The following FGF12 variants were observed in gnomAD, a reference collection of about 807,000 sequenced individuals.
The protein encoded by FGF12 is fibroblast growth factor 12.
FGF12 carries 14 observed loss-of-function variants against 23.6 expected under a neutral mutation model. The observed-to-expected ratio is 0.59, with a 90% CI of 0.39 to 0.93. The LOEUF is 0.93. Ranked by LOEUF, FGF12 falls within the 40% of genes least tolerant of loss-of-function variation. FGF12 has a pLI of 0.00. For synonymous variants in FGF12, 62 were observed against 77.3 expected (o/e 0.80, Z 1.04); for missense variants, 175 against 217.8 (o/e 0.80, Z 1.24).
At chr3:192,527,542 G>T (rs1386576556) in intron 2 of FGF12, among the ~76,000 whole-genome samples, 10 of 152,166 alleles carry the variant, frequency 6.6e-5, no homozygotes, top group Admixed American at 6.5e-4. Flanking sequence ...CACATTGTAA[G>T]CATTCAATAT....
intron 4 of FGF12, chr3:192,267,106 T>A (rs2108623899): frequency 6.6e-6 from 1 of 152,280 alleles, no homozygotes; most frequent in South Asian, 2.1e-4. Context: ...TGACAACAGA[T>A]TTCCTGACAA....
At chr3:192,593,921 G>T (rs74965014) in intron 2 of FGF12, among the ~76,000 whole-genome samples, 2 of 151,796 alleles carry the variant, frequency 1.3e-5, no homozygotes, top group Non-Finnish European at 2.9e-5. Context: ...ATTGTAATAA[G>T]GATTTAAATG....
intron 3 of FGF12, among the ~76,000 whole-genome samples, chr3:192,344,751 T>A (rs1188934800): frequency 6.6e-6 from 1 of 152,214 alleles, no homozygotes; most frequent in Non-Finnish European, 1.5e-5. Context: ...CATTGACTTT[T>A]AATCCTGATA....
At chr3:192,351,349 T>A (rs2108722748) in intron 3 of FGF12, among the ~76,000 whole-genome samples, 1 of 152,316 alleles carries the variant, frequency 6.6e-6, no homozygotes, top group Admixed American at 6.5e-5. Context: ...TTCACTCAGC[T>A]ATTTAGAGAA....
Position 192,308,715 on chromosome 3 carries a change from T to A in FGF12, c.228+26646A>T, listed in dbSNP as rs189932691. On this transcript the variant is annotated intron_variant, in intron 4 of 5. Transcript: ENST00000445105. ...AAAGAAATTAATAAACAAATAAATT[T>A]AAAAAAATAAAAGTCCAAACCAAAT... 4.7e-4 allele frequency among the ~76,000 whole-genome samples: 71 copies of A among 151,824 alleles called. 1 individual carries two copies. The highest frequency in any genetic ancestry group is 8.7e-4 in the Non-Finnish European group (59 of 67,902).
intron 2 of FGF12, among the ~76,000 whole-genome samples, chr3:192,453,718 T>C (rs1464443027): frequency 2.6e-5 from 4 of 152,182 alleles, no homozygotes; most frequent in African/African-American, 4.8e-5. Context: ...AGGGGATGTC[T>C]CTTGCTTGGC....
At chr3:192,550,753 A>G (rs1725613507) in intron 2 of FGF12, among the ~76,000 whole-genome samples, 1 of 152,204 alleles carries the variant, frequency 6.6e-6, no homozygotes, top group Non-Finnish European at 1.5e-5. Context: ...ACATAACCAA[A>G]GAGTTCAGAG....
At chr3:192,577,893 A>C (rs532487525) in intron 2 of FGF12, among the ~76,000 whole-genome samples, 1 of 152,326 alleles carries the variant, frequency 6.6e-6, no homozygotes, top group African/African-American at 2.4e-5. Context: ...AAAGCCCTAA[A>C]AGGATGCTTC....
At chr3:192,271,797 A>G (rs1393262604) in intron 4 of FGF12, among the ~76,000 whole-genome samples, 1 of 152,182 alleles carries the variant, frequency 6.6e-6, no homozygotes, top group Non-Finnish European at 1.5e-5. Flanking sequence ...AAGACATACA[A>G]TATGTCCCAA....
chr3:192,565,016 C>T (rs1049795170), intron 2 of FGF12, among the ~76,000 whole-genome samples: 1 of 152,192 alleles, frequency 6.6e-6, no homozygotes, highest in Non-Finnish European at 1.5e-5. Flanking sequence ...AGGTTATCTA[C>T]ATAAAACATT....
At chr3:192,171,875 G>GCT (rs147801298) in intron 4 of FGF12, among the ~76,000 whole-genome samples, 8,728 of 140,668 alleles carry the variant, frequency 0.062, 370 homozygotes, top group South Asian at 0.24. Flanking sequence ...TGTAGAGAGT[G>GCT]CTCTCTCTCT....
chr3:192,321,863 A>G (rs984434207), intron 4 of FGF12, among the ~76,000 whole-genome samples: 2 of 152,176 alleles, frequency 1.3e-5, no homozygotes, highest in African/African-American at 4.8e-5. Context: ...CTGGTATCAT[A>G]CTGAACAAGG....
At chr3:192,361,641 G>C (rs1577388724) in intron 2 of FGF12, among the ~76,000 whole-genome samples, 2 of 152,184 alleles carry the variant, frequency 1.3e-5, no homozygotes, top group East Asian at 3.9e-4. Flanking sequence ...TTTCTGCCAA[G>C]CAATATGGCA....
chr3:192,584,785 C>T (rs1313752572), intron 2 of FGF12, among the ~76,000 whole-genome samples: 1 of 152,030 alleles, frequency 6.6e-6, no homozygotes, highest in Non-Finnish European at 1.5e-5. Flanking sequence ...TTGGCTAAGA[C>T]ATTTCCTCAG....
At chr3:192,224,127 A>G (rs963451425) in intron 4 of FGF12, among the ~76,000 whole-genome samples, 2 of 152,158 alleles carry the variant, frequency 1.3e-5, no homozygotes, top group Admixed American at 1.3e-4. Flanking sequence ...AAATCCAATT[A>G]CAAAATCCAT....
chr3:192,292,788 A>AT (rs1714825453), intron 4 of FGF12, among the ~76,000 whole-genome samples: 1 of 151,956 alleles, frequency 6.6e-6, no homozygotes. Context: ...TTTATTTTCA[A>AT]TTTTTTGAGA....
chr3:192,235,806 C>A (rs1024062807), intron 4 of FGF12, among the ~76,000 whole-genome samples: 2 of 152,070 alleles, frequency 1.3e-5, no homozygotes, highest in African/African-American at 4.8e-5. Context: ...TTCAAAGAAC[C>A]AGCTTTTGGG....
At chr3:192,254,619 T>G (rs1482063285) in intron 4 of FGF12, among the ~76,000 whole-genome samples, 1 of 152,042 alleles carries the variant, frequency 6.6e-6, no homozygotes, top group Non-Finnish European at 1.5e-5. Context: ...ACTAATAATC[T>G]GTAATTTACC....
rs1482447213 is a variant in FGF12, at chr3:192,664,594, C to CAAAAAAAAAAAAAAA, written c.13+62586_13+62587insTTTTTTTTTTTTTTT. On this transcript the variant is annotated intron_variant, in intron 2 of 5. Coordinates refer to ENST00000445105, the MANE Select transcript of FGF12 (RefSeq NM_004113.6). ...TGAAACCCTGTCTCTACTAAAAATA[C>CAAAAAAAAAAAAAAA]AAAAAAAATACAAAAAAAAAAAAAA... is the stretch of plus-strand genomic sequence containing the variant. Among the ~76,000 whole-genome samples, 63 of 97,012 alleles carry CAAAAAAAAAAAAAAA rather than the reference C, an allele frequency of 6.5e-4. 4 individuals carry two copies. Among genetic ancestry groups the CAAAAAAAAAAAAAAA allele is most frequent in the East Asian group, 3.0e-3 (10 of 3,288 alleles). 63.6% of individuals were successfully genotyped at this position (97,012 alleles called of 152,430 possible). A position where few individuals can be genotyped will look rare whatever the true frequency, so the allele number is the denominator to read the frequency against.
Sources: gnomAD v4.1 joint callset for allele counts (sites outside exome capture counted in the v4.1 genomes callset) on GRCh38, gnomAD v4.1.1 for gene constraint, MANE v1.5 for transcripts, NCBI Gene and HGNC (gene_info 2026-07-23, HGNC 2026-07-21) for gene names.